Variants in NCOA2 observed in about 807,000 individuals in gnomAD.
NCOA2 encodes nuclear receptor coactivator 2.
Under a neutral mutation model 145.1 loss-of-function variants are expected in NCOA2, and 21 were observed. The observed-to-expected ratio is 0.14, with a 90% CI of 0.10 to 0.21. NCOA2 has a LOEUF of 0.21. Ranked by LOEUF, NCOA2 falls within the 10% of genes least tolerant of loss-of-function variation. NCOA2 has a pLI of 1.00. For missense variants in NCOA2, 1,472 were observed against 1,837.6 expected (o/e 0.80, Z 3.64); for synonymous variants, 619 against 637.5 (o/e 0.97, Z 0.44).
At chr8:70,243,792 A>G (rs1380951396) in intron 2 of NCOA2, among the ~76,000 whole-genome samples, 2 of 76,594 alleles carry the variant, frequency 2.6e-5, no homozygotes, top group Non-Finnish European at 4.4e-5. Flanking sequence ...TAAAAAATGG[A>G]AAAAAAAAAA....
At chr8:70,371,175 G>GCTA (rs1348577512) in intron 1 of NCOA2, among the ~76,000 whole-genome samples, 9 of 152,198 alleles carry the variant, frequency 5.9e-5, no homozygotes, top group Admixed American at 3.3e-4. Flanking sequence ...TATAGTCCCA[G>GCTA]CTACTCGGGA....
At chr8:70,308,321 T>C (rs2126009) in intron 1 of NCOA2, among the ~76,000 whole-genome samples, 5,250 of 152,156 alleles carry the variant, frequency 0.035, 302 homozygotes, top group African/African-American at 0.12. Flanking sequence ...CTTGACAAAA[T>C]TGAAATTGTG....
intron 1 of NCOA2, among the ~76,000 whole-genome samples, chr8:70,330,628 C>T (rs1460861424): frequency 6.8e-6 from 1 of 148,010 alleles, no homozygotes; most frequent in Non-Finnish European, 1.5e-5. Flanking sequence ...TTAGTAAAAA[C>T]AATAGCTGGC....
Position 70,156,844 on chromosome 8 carries a change from A to C in NCOA2, c.1521T>G (p.Phe507Leu). Residue 507 changes from phenylalanine (F) to leucine (L), a missense_variant, in exon 11 of 23, where the codon TTT becomes TTG. Physicochemically the swap from Phe to Leu is conservative, Grantham distance 22. Coordinates refer to ENST00000452400, the MANE Select transcript of NCOA2 (RefSeq NM_006540.4). ...AGSPRIPPSQFSPAGSLHSPV... is the reference protein window; with the variant it reads ...AGSPRIPPSQLSPAGSLHSPV... ...GGGAATGCAAGCTTCCTGCAGGGGA[A>C]AACTGACTGGGTGGGATTCGAGGGC... 2 of 1,614,032 alleles carry C rather than the reference A, an allele frequency of 1.2e-6. No homozygotes were observed. Among genetic ancestry groups the C allele is most frequent in the South Asian group, 2.2e-5 (2 of 91,080 alleles).
chr8:70,124,670 A>T lies in NCOA2; in HGVS notation c.4094+18T>A, dbSNP rs918959273. 1 of 1,581,744 alleles carries T rather than the reference A, an allele frequency of 6.3e-7. No homozygotes were observed. Among genetic ancestry groups the T allele is most frequent in the Non-Finnish European group, 8.6e-7 (1 of 1,163,736 alleles). ...CTGTCACAGTGGCGGTATGAAAAGGAGAAGGATTTGCGGTTACCTGTTTCC... is the reference window on the plus strand; with the variant it reads ...CTGTCACAGTGGCGGTATGAAAAGGTGAAGGATTTGCGGTTACCTGTTTCC... On this transcript the variant is annotated intron_variant, in intron 20 of 22. Coordinates refer to ENST00000452400, the MANE Select transcript of NCOA2 (RefSeq NM_006540.4).
chr8:70,396,476 C>T (rs1309818683), intron 1 of NCOA2, among the ~76,000 whole-genome samples: 3 of 152,206 alleles, frequency 2.0e-5, no homozygotes, highest in Non-Finnish European at 2.9e-5. Flanking sequence ...AGGGTTCTAC[C>T]TCTCAATGCT....
intron 4 of NCOA2, among the ~76,000 whole-genome samples, chr8:70,204,712 C>T (rs1818254253): frequency 6.6e-6 from 1 of 152,160 alleles, no homozygotes; most frequent in African/African-American, 2.4e-5. Context: ...CTGCAGGTGG[C>T]TGGGTGCGGT....
chr8:70,245,162 CT>C (rs1822504476), intron 2 of NCOA2: 1 of 152,100 alleles, frequency 6.6e-6, no homozygotes, highest in Non-Finnish European at 1.5e-5. Flanking sequence ...TAAATCTCCT[CT>C]GTTAACCCAA....
chr8:70,411,898 G>T, the NCOA2 span, among the ~76,000 whole-genome samples: 4 of 152,210 alleles, frequency 2.6e-5, no homozygotes, highest in Non-Finnish European at 4.4e-5. Flanking sequence ...TAATCCGAGT[G>T]GAGGTTACAT....
the NCOA2 span, among the ~76,000 whole-genome samples, chr8:70,410,487 C>T: frequency 6.6e-6 from 1 of 152,142 alleles, no homozygotes; most frequent in Non-Finnish European, 1.5e-5. Context: ...TGTGCCACCA[C>T]ACCTGGCTTT....
intron 1 of NCOA2, among the ~76,000 whole-genome samples, chr8:70,331,855 T>C (rs1242606457): frequency 6.6e-6 from 1 of 152,114 alleles, no homozygotes; most frequent in Non-Finnish European, 1.5e-5. Context: ...TAAATGCAGT[T>C]TTTCACATAC....
the NCOA2 span, among the ~76,000 whole-genome samples, chr8:70,412,394 ATT>A: frequency 6.7e-6 from 1 of 149,324 alleles, no homozygotes; most frequent in African/African-American, 2.4e-5. Flanking sequence ...AAAACAACAT[ATT>A]TTATATATAT....
the NCOA2 span, among the ~76,000 whole-genome samples, chr8:70,412,345 G>C: frequency 1.3e-5 from 2 of 150,794 alleles, no homozygotes; most frequent in African/African-American, 4.9e-5. Flanking sequence ...TCCCAATAAA[G>C]TCTATTTGTT....
rs1027445473 is a variant in NCOA2, at chr8:70,111,954, C to G, written c.*1678G>C. On this transcript the variant is annotated 3_prime_UTR_variant, in exon 23 of 23. Transcript: ENST00000452400. ...TAAGGAGAAATAGCTCAAAAAAGGT[C>G]ATCAGTTTCTTGGTATTGGAGTTGT... 1 of 222,298 alleles carries G rather than the reference C, an allele frequency of 4.5e-6. No homozygotes were observed. Among genetic ancestry groups the G allele is most frequent in the Non-Finnish European group, 9.0e-6 (1 of 111,150 alleles). The allele number at this position is 222,298 out of a possible 1,614,324, so 13.8% of individuals were successfully genotyped here. A position where few individuals can be genotyped will look rare whatever the true frequency, so the allele number is the denominator to read the frequency against.
chr8:70,389,687 C>G (rs115715812), intron 1 of NCOA2, among the ~76,000 whole-genome samples: 1 of 151,456 alleles, frequency 6.6e-6, no homozygotes, highest in African/African-American at 2.4e-5. Context: ...TTTTTTTAGA[C>G]GGCGGAGTTT....
At chr8:70,135,414 T>C (rs1397539187) in intron 15 of NCOA2, among the ~76,000 whole-genome samples, 2 of 152,196 alleles carry the variant, frequency 1.3e-5, no homozygotes, top group Non-Finnish European at 2.9e-5. Flanking sequence ...AAACACAGTA[T>C]AGGTGCAGTA....
chr8:70,401,679 G>C (rs1334024181), intron 1 of NCOA2: 1 of 152,110 alleles, frequency 6.6e-6, no homozygotes, highest in East Asian at 1.9e-4. Flanking sequence ...ATCAGTTGAC[G>C]TGATACTGCT....
At chr8:70,225,463 C>T (rs535202229) in intron 2 of NCOA2, among the ~76,000 whole-genome samples, 2 of 151,750 alleles carry the variant, frequency 1.3e-5, no homozygotes, top group East Asian at 1.9e-4. Flanking sequence ...GCAGGAGAAT[C>T]GCTTGAACCC....
Position 70,144,547 on chromosome 8 carries a change from A to G in NCOA2, c.2812+95T>C, listed in dbSNP as rs570480053. On this transcript the variant is annotated intron_variant, in intron 13 of 22. Coordinates refer to ENST00000452400, the MANE Select transcript of NCOA2 (RefSeq NM_006540.4). ...TCAGATGTTATTTTCTAACATAAAA[A>G]GTTCACTTGAAAAATTCTACTAGTT... is the stretch of plus-strand genomic sequence containing the variant. The G allele has an allele frequency of 7.1e-6, 7 of 991,050 alleles. No homozygotes were observed. In the African/African-American group the frequency reaches 8.1e-5, roughly 12 times the overall value. The allele number at this position is 991,050 out of a possible 1,614,324, so 61.4% of individuals were successfully genotyped here. A position where few individuals can be genotyped will look rare whatever the true frequency, so the allele number is the denominator to read the frequency against.
Sources: gnomAD v4.1 joint callset for allele counts (sites outside exome capture counted in the v4.1 genomes callset) on GRCh38, gnomAD v4.1.1 for gene constraint, MANE v1.5 for transcripts, NCBI Gene and HGNC (gene_info 2026-07-23, HGNC 2026-07-21) for gene names.